The following TRHDE variants were observed in gnomAD, a reference collection of about 807,000 sequenced individuals.
TRHDE encodes thyrotropin releasing hormone degrading enzyme.
A neutral mutation model predicts 125.7 loss-of-function variants in TRHDE; 72 were observed. That is an observed-to-expected ratio of 0.57 (90% CI 0.47 to 0.70). TRHDE has a LOEUF of 0.70. Among genes scored for constraint, TRHDE ranks in the 30% least tolerant of loss-of-function variants. TRHDE has a pLI of 0.00. For missense variants in TRHDE, 1,110 were observed against 1,327.1 expected (o/e 0.84, Z 2.54); for synonymous variants, 509 against 509.1 (o/e 1.00, Z 0.00).
chr12:72,427,089 T>G (rs1874220992), intron 3 of TRHDE, among the ~76,000 whole-genome samples: 1 of 152,114 alleles, frequency 6.6e-6, no homozygotes, highest in Admixed American at 6.6e-5. Flanking sequence ...TGAGGCTTTG[T>G]GGACCATACA....
At chr12:72,397,150 C>A (rs1039420269) in intron 3 of TRHDE, among the ~76,000 whole-genome samples, 4 of 152,238 alleles carry the variant, frequency 2.6e-5, no homozygotes, top group Non-Finnish European at 5.9e-5. Flanking sequence ...CAAACCCATG[C>A]ATCAGGCTGC....
chr12:72,581,918 T>C (rs995815234), intron 12 of TRHDE, among the ~76,000 whole-genome samples: 10 of 151,670 alleles, frequency 6.6e-5, no homozygotes, highest in East Asian at 3.9e-4. Flanking sequence ...CTGGCTAACA[T>C]GGTGAAACCC....
chr12:72,629,841 T>C (rs1225959340), intron 15 of TRHDE, among the ~76,000 whole-genome samples: 2 of 151,530 alleles, frequency 1.3e-5, no homozygotes, highest in African/African-American at 4.8e-5. Flanking sequence ...TATTTCCTTT[T>C]TGTTTACTTT....
chr12:72,093,507 C>A (rs1335133782), intron 1 of TRHDE, among the ~76,000 whole-genome samples: 1 of 151,952 alleles, frequency 6.6e-6, no homozygotes, highest in African/African-American at 2.4e-5. Context: ...TTTTTTACTC[C>A]TTTTCATTCT....
At chr12:72,245,066 C>T (rs1314909593) in intron 2 of TRHDE, among the ~76,000 whole-genome samples, 4 of 152,008 alleles carry the variant, frequency 2.6e-5, no homozygotes, top group African/African-American at 9.7e-5. Flanking sequence ...CAAATTTTAT[C>T]TGGGCATTCT....
chr12:72,202,652 C>T (rs1286388906), intron 2 of TRHDE, among the ~76,000 whole-genome samples: 1 of 152,112 alleles, frequency 6.6e-6, no homozygotes, highest in Non-Finnish European at 1.5e-5. Context: ...TGTGAATGTG[C>T]CATCCACTTC....
chr12:72,385,822 A>C (rs1408694942), intron 3 of TRHDE, among the ~76,000 whole-genome samples: 2 of 152,198 alleles, frequency 1.3e-5, no homozygotes, highest in Non-Finnish European at 2.9e-5. Flanking sequence ...TTCAACCACT[A>C]ATGCAAAAAA....
chr12:72,227,031 T>A (rs11179120), intron 2 of TRHDE, among the ~76,000 whole-genome samples: 51,077 of 152,128 alleles, frequency 0.34, 8,942 homozygotes, highest in Middle Eastern at 0.39. Flanking sequence ...TGGGAAATAT[T>A]TCTTGGGATT....
At chr12:72,549,955 AT>A (rs1476613935) in intron 7 of TRHDE, among the ~76,000 whole-genome samples, 7 of 151,766 alleles carry the variant, frequency 4.6e-5, no homozygotes, top group African/African-American at 7.2e-5. Flanking sequence ...AAAAACTCGT[AT>A]TTTTAGAGAT....
In TRHDE at chr12:72,372,108, ATTGTGG is replaced by A. The variant is rs573615978; in HGVS notation, c.1189-5884_1189-5879del. Reference sequence around the variant, plus strand: ...TCTAACTGGTGTGAGATGGCATCTCATTGTGGTTTTGATTTGCATTTCTCTGATGGC... The same window carrying A: ...TCTAACTGGTGTGAGATGGCATCTCATTTTGATTTGCATTTCTCTGATGGC... On this transcript the variant is annotated intron_variant, in intron 2 of 18. Transcript: ENST00000261180. 8.0e-3 allele frequency among the ~76,000 whole-genome samples: 1,220 copies of A among 152,168 alleles called. 15 individuals are homozygous for A. Among genetic ancestry groups the A allele is most frequent in the African/African-American group, 0.028 (1,161 of 41,494 alleles).
intron 2 of TRHDE, among the ~76,000 whole-genome samples, chr12:72,311,632 CAGTT>C (rs910610641): frequency 1.3e-5 from 2 of 152,126 alleles, no homozygotes; most frequent in African/African-American, 4.8e-5. Flanking sequence ...GGGAGAAACT[CAGTT>C]AATCTGTATG....
chr12:72,099,498 AT>A (rs530616121), intron 1 of TRHDE, among the ~76,000 whole-genome samples: 2 of 152,022 alleles, frequency 1.3e-5, no homozygotes, highest in East Asian at 1.9e-4. Context: ...TATAGTTTGA[AT>A]TTTTTTTCCC....
At chr12:72,088,172 G>T (rs1301702656) in intron 1 of TRHDE, among the ~76,000 whole-genome samples, 1 of 152,142 alleles carries the variant, frequency 6.6e-6, no homozygotes, top group Non-Finnish European at 1.5e-5. Context: ...GTGGCTGTTG[G>T]ATAGTCATCC....
intron 1 of TRHDE, among the ~76,000 whole-genome samples, chr12:72,092,679 T>A (rs897552656): frequency 3.9e-5 from 6 of 152,210 alleles, no homozygotes; most frequent in Admixed American, 3.9e-4. Context: ...TGCAATGTGA[T>A]GTTTGGTGTA....
intron 15 of TRHDE, among the ~76,000 whole-genome samples, chr12:72,648,378 A>C (rs1292684605): frequency 6.6e-6 from 1 of 152,166 alleles, no homozygotes; most frequent in Non-Finnish European, 1.5e-5. Context: ...TATTAAACAT[A>C]GTACTGGAAA....
At chr12:72,430,604 T>C (rs930377091) in intron 3 of TRHDE, among the ~76,000 whole-genome samples, 3 of 151,812 alleles carry the variant, frequency 2.0e-5, no homozygotes, top group African/African-American at 7.2e-5. Flanking sequence ...TTCTGAACTC[T>C]GCATTCTGTC....
intron 2 of TRHDE, among the ~76,000 whole-genome samples, chr12:72,335,550 C>T (rs1869793218): frequency 6.6e-6 from 1 of 152,200 alleles, no homozygotes; most frequent in South Asian, 2.1e-4. Context: ...TACCTCTCTG[C>T]ACACACACAA....
intron 2 of TRHDE, among the ~76,000 whole-genome samples, chr12:72,195,139 T>C (rs773685529): frequency 1.6e-4 from 24 of 152,134 alleles, no homozygotes; most frequent in Non-Finnish European, 3.2e-4. Context: ...GAGAACTTGC[T>C]CACTATAATG....
intron 6 of TRHDE, among the ~76,000 whole-genome samples, chr12:72,538,557 A>G (rs903105725): frequency 6.6e-6 from 1 of 151,642 alleles, no homozygotes; most frequent in Admixed American, 6.6e-5. Context: ...AGACTCTCCC[A>G]CTCTAATTCC....
Sources: gnomAD v4.1 joint callset for allele counts (sites outside exome capture counted in the v4.1 genomes callset) on GRCh38, gnomAD v4.1.1 for gene constraint, MANE v1.5 for transcripts, NCBI Gene and HGNC (gene_info 2026-07-23, HGNC 2026-07-21) for gene names.